Variants in APPL1 observed in about 807,000 individuals in gnomAD.
APPL1 encodes adaptor protein, phosphotyrosine interacting with PH domain and leucine zipper 1, also known as DCC-interacting protein 13-alpha.
A neutral mutation model predicts 106.8 loss-of-function variants in APPL1; 42 were observed. The observed-to-expected ratio is 0.39, with a 90% CI of 0.31 to 0.51. APPL1 has a LOEUF of 0.51. Among genes scored for constraint, APPL1 ranks in the 20% least tolerant of loss-of-function variants. The pLI, the probability that APPL1 is intolerant of heterozygous loss-of-function variation, is 0.75. For missense variants in APPL1, 769 were observed against 858.2 expected, an observed-to-expected ratio of 0.90 and a Z score of 1.30; for synonymous variants, 263 against 281.8, an observed-to-expected ratio of 0.93 and a Z score of 0.67.
intron 1 of APPL1, among the ~76,000 whole-genome samples, chr3:57,234,840 A>G (rs1324292478): frequency 6.6e-6 from 1 of 151,324 alleles, no homozygotes; most frequent in Non-Finnish European, 1.5e-5. Flanking sequence ...CATTTTTAGT[A>G]GAAACGGGGT....
rs751392108 is a variant in APPL1, at chr3:57,252,355, A to AT, written c.1095+49dup. ...CATTTCTTCATTGACATTTTAAAATATTTTTCTGATGACAAAACATATATT... is the reference window on the plus strand; with the variant it reads ...CATTTCTTCATTGACATTTTAAAATATTTTTTCTGATGACAAAACATATATT... On this transcript the variant is annotated intron_variant, in intron 12 of 21. Coordinates refer to ENST00000288266, the MANE Select transcript of APPL1 (RefSeq NM_012096.3). The AT allele has an allele frequency of 2.1e-6, 3 of 1,422,654 alleles. No individual in the cohort carries two copies. In the East Asian group the frequency reaches 6.9e-5, roughly 33 times the overall value. 88.1% of individuals were successfully genotyped at this position (1,422,654 alleles called of 1,614,324 possible).
rs533882299 is a variant in APPL1 at position 57,249,543 on chromosome 3, A to C, written c.1047A>C (p.Gly349=). ...RYCFQITSFD[G]KKSSILQAES... is the part of the protein sequence containing the mutation. ...GTTTTCAGATCACCTCTTTCGATGG[A>C]AAAAAGTTAGTATTTTTTTTCTACT... The change falls in exon 11 of 22, where the codon GGA becomes GGC. Residue 349 remains glycine (G), a synonymous_variant. Transcript: ENST00000288266. 2.1e-5 allele frequency: 33 copies of C among 1,562,220 alleles called. No homozygotes were observed. The South Asian group carries it at 3.9e-4, about 18-fold the overall frequency.
Position 57,227,931 on chromosome 3 carries a change from C to T in APPL1, c.48C>T (p.Ser16=). The stretch of plus-strand genomic sequence containing the variant: ...CCATCGAGGAGACGCTGGAGGACAG[C>T]CCGCAGGTGAGGCGCGGGAGCTGGT... ...KLPIEETLED[S]PQTRSLLGVF... The change falls in exon 1 of 22, where the codon AGC becomes AGT. Residue 16 remains serine (S), a synonymous_variant. Coordinates refer to ENST00000288266, the MANE Select transcript of APPL1 (RefSeq NM_012096.3). 6.9e-7 allele frequency: 1 copy of T among 1,449,492 alleles called. No individual in the cohort carries two copies. Among genetic ancestry groups the T allele is most frequent in the South Asian group, 1.3e-5 (1 of 74,948 alleles). 89.8% of individuals were successfully genotyped at this position (1,449,492 alleles called of 1,614,324 possible). A position where few individuals can be genotyped will look rare whatever the true frequency, so the allele number is the denominator to read the frequency against.
Position 57,247,412 on chromosome 3 carries a change from G to A in APPL1, c.639G>A (p.Met213Ile). The change falls in exon 9 of 22, where the codon ATG becomes ATA. Residue 213 changes from methionine (M) to isoleucine (I), a missense_variant. Met to Ile is a conservative substitution (Grantham distance 10). Transcript: ENST00000288266. ...CTCTCCAGATAAGTTTCTTTAAGAT[G>A]GGTTCTGAAAATCTTAATGAACAAC... ...YMQAQISFFK[M>I]GSENLNEQLE... 1.2e-6 allele frequency: 2 copies of A among 1,609,112 alleles called. No individual in the cohort carries two copies. Among genetic ancestry groups the A allele is most frequent in the Non-Finnish European group, 1.7e-6 (2 of 1,176,346 alleles).
chr3:57,268,510 T>G, intron 21 of APPL1, 23 bp downstream of exon 21: 2 of 1,557,462 alleles, frequency 1.3e-6, no homozygotes, highest in African/African-American at 2.8e-5. Flanking sequence ...AATGTCTGGA[T>G]CTTTATGTGT....
At chr3:57,235,289 C>T (rs1022325478) in intron 1 of APPL1, among the ~76,000 whole-genome samples, 1 of 151,926 alleles carries the variant, frequency 6.6e-6, no homozygotes, top group Non-Finnish European at 1.5e-5. Context: ...TTGATTTGTT[C>T]TTAGTTTATA....
At position 57,270,923 on chromosome 3, in the gene APPL1, A is replaced by G. The variant is rs1230556409; in HGVS notation, c.*1236A>G. 2 of 152,174 alleles carry G rather than the reference A, an allele frequency of 1.3e-5. No homozygotes were observed. The allele number at this position is 152,174 out of a possible 1,614,324, so 9.4% of individuals were successfully genotyped here. On this transcript the variant is annotated 3_prime_UTR_variant, in exon 22 of 22. Coordinates refer to ENST00000288266, the MANE Select transcript of APPL1 (RefSeq NM_012096.3). ...GCCAAGGTTAAAATAACATTTCTCTACTGCCTATTGTTTATGTTAAACCTT... is the reference window on the plus strand; with the variant it reads ...GCCAAGGTTAAAATAACATTTCTCTGCTGCCTATTGTTTATGTTAAACCTT...
At chr3:57,257,963 G>A (rs544725003) in intron 15 of APPL1, among the ~76,000 whole-genome samples, 2 of 152,284 alleles carry the variant, frequency 1.3e-5, no homozygotes, top group African/African-American at 2.4e-5. Flanking sequence ...CATTTATTAA[G>A]TAGAGTGGAC....
intron 4 of APPL1, among the ~76,000 whole-genome samples, chr3:57,239,398 A>G (rs766609320): frequency 3.3e-5 from 5 of 152,110 alleles, no homozygotes; most frequent in Non-Finnish European, 7.4e-5. Flanking sequence ...AGACTTCTTT[A>G]TGTCTGTTTT....
rs767359318 is a variant in APPL1 at position 57,268,423 on chromosome 3, AAGAAAT to A, written c.1923_1928del (p.Ile642_Glu643del). The A allele has an allele frequency of 1.3e-6, 2 of 1,599,366 alleles. No individual in the cohort carries two copies. Among genetic ancestry groups the A allele is most frequent in the Admixed American group, 1.7e-5 (1 of 58,332 alleles). On this transcript the variant is annotated inframe_deletion, in exon 21 of 22. Coordinates refer to ENST00000288266, the MANE Select transcript of APPL1 (RefSeq NM_012096.3). ...GATCGTAGGGCATCAGAAAAACAAA[AAGAAAT>A]AGAGAGAGTAAAAGAGAAGCAACAG...
At position 57,236,192 on chromosome 3, in the gene APPL1, G is replaced by A. The variant is rs1158821428; in HGVS notation, c.153+528G>A. On this transcript the variant is annotated intron_variant, in intron 2 of 21. Coordinates refer to ENST00000288266, the MANE Select transcript of APPL1 (RefSeq NM_012096.3). Reference sequence around the variant, plus strand: ...CTCAAGTAGCTGGGATTACAGGCATGCACCAGCACGCCTGGCTAATTTTGT... The same window carrying A: ...CTCAAGTAGCTGGGATTACAGGCATACACCAGCACGCCTGGCTAATTTTGT... Among the ~76,000 whole-genome samples the A allele has an allele frequency of 2.0e-5, 3 of 151,938 alleles. No homozygotes were observed. In the South Asian group the frequency reaches 6.2e-4, roughly 32 times the overall value.
intron 8 of APPL1, among the ~76,000 whole-genome samples, chr3:57,246,990 CAA>C (rs56949619): frequency 1.3e-4 from 13 of 97,806 alleles, no homozygotes; most frequent in African/African-American, 2.4e-4. Context: ...GACCCTGTCT[CAA>C]AAAAAAAAAA....
At chr3:57,265,659 A>G (rs1371708322) in intron 19 of APPL1, among the ~76,000 whole-genome samples, 1 of 152,228 alleles carries the variant, frequency 6.6e-6, no homozygotes. Context: ...GGTGGAGTCT[A>G]GGTTTTTCTA....
chr3:57,248,131 C>T, intron 9 of APPL1, 62 bp from the exon 10 acceptor site: 1 of 1,502,158 alleles, frequency 6.7e-7, no homozygotes, highest in Non-Finnish European at 9.0e-7. Context: ...TGCAGGTAAA[C>T]ATGATTGGTA....
At chr3:57,243,203 A>G (rs751140224) in intron 7 of APPL1, among the ~76,000 whole-genome samples, 7 of 152,188 alleles carry the variant, frequency 4.6e-5, no homozygotes, top group Non-Finnish European at 1.0e-4. Context: ...TTTTGATGAC[A>G]TGGCATTGGT....
At chr3:57,253,456 T>A (rs2060815883) in intron 12 of APPL1, among the ~76,000 whole-genome samples, 1 of 151,934 alleles carries the variant, frequency 6.6e-6, no homozygotes, top group Non-Finnish European at 1.5e-5. Context: ...TGAATGTGCT[T>A]TTATATATAT....
intron 11 of APPL1, among the ~76,000 whole-genome samples, chr3:57,250,096 G>A (rs1468813751): frequency 6.6e-6 from 1 of 152,158 alleles, no homozygotes; most frequent in African/African-American, 2.4e-5. Flanking sequence ...AAGTATTTCT[G>A]ATCAGATTAT....
Position 57,240,858 on chromosome 3 carries a change from G to T in APPL1, c.373+306G>T, listed in dbSNP as rs564400857. Among the ~76,000 whole-genome samples the T allele has an allele frequency of 2.6e-4, 40 of 152,304 alleles. No individual in the cohort carries two copies. In the South Asian group the frequency reaches 8.3e-3, roughly 32 times the overall value. The stretch of plus-strand genomic sequence containing the variant: ...GTGCTGGCGGGGCTGTTAGGAGGGG[G>T]TCAGCAAGGCTTTACCCAAGGATGT... On this transcript the variant is annotated intron_variant, in intron 5 of 21. Coordinates refer to ENST00000288266, the MANE Select transcript of APPL1 (RefSeq NM_012096.3).
chr3:57,268,511 C>CT (rs750541975), intron 21 of APPL1, 24 bp downstream of exon 21: 1 of 1,556,380 alleles, frequency 6.4e-7, no homozygotes, highest in African/African-American at 1.4e-5. Context: ...ATGTCTGGAT[C>CT]TTTATGTGTT....
Sources: gnomAD v4.1 joint callset for allele counts (sites outside exome capture counted in the v4.1 genomes callset) on GRCh38, gnomAD v4.1.1 for gene constraint, MANE v1.5 for transcripts, NCBI Gene and HGNC (gene_info 2026-07-23, HGNC 2026-07-21) for gene names.